The following IFITM10 variants were observed in gnomAD, a reference collection of about 807,000 sequenced individuals.
The protein encoded by IFITM10 is interferon induced transmembrane protein 10.
IFITM10 carries 17 observed loss-of-function variants against 19.0 expected under a neutral mutation model. The observed-to-expected ratio is 0.90, with a 90% CI of 0.61 to 1.34. IFITM10 has a LOEUF of 1.34. Ranked by LOEUF, IFITM10 falls within the 40% of genes most tolerant of loss-of-function variation. IFITM10 has a pLI of 0.00. For missense variants in IFITM10, 306 were observed against 319.8 expected (o/e 0.96, Z 0.33); for synonymous variants, 148 against 147.2 (o/e 1.01, Z -0.04).
At chr11:1,745,035 A>G (rs1206226980) in intron 2 of IFITM10, 1 of 152,632 alleles carries the variant, frequency 6.6e-6, no homozygotes, top group Non-Finnish European at 1.5e-5. Flanking sequence ...GGTATGCCCC[A>G]AAGCCTCTCT....
At chr11:1,745,824 TCACA>T (rs1310337641) in intron 2 of IFITM10, 5 of 145,994 alleles carry the variant, frequency 3.4e-5, no homozygotes, top group African/African-American at 1.3e-4. Flanking sequence ...GCACACACCC[TCACA>T]CACCCGTGCA....
At chr11:1,736,820 A>AG (rs573452261) in intron 2 of IFITM10, among the ~76,000 whole-genome samples, 2 of 147,514 alleles carry the variant, frequency 1.4e-5, no homozygotes, top group Non-Finnish European at 1.5e-5. Context: ...GATAGAGTGG[A>AG]TGGATGGAAT....
At position 1,748,289 on chromosome 11, in the gene IFITM10, G is replaced by A. The variant is rs562755178; in HGVS notation, c.85-170C>T. On this transcript the variant is annotated intron_variant, in intron 1 of 2. Coordinates refer to ENST00000340134, the MANE Select transcript of IFITM10 (RefSeq NM_001170820.4). ...ACCCGCCCCGGGCCTCGGCGGCCAC[G>A]GACGATGCCAAAGCCCTTCGCAGCA... is the stretch of plus-strand genomic sequence containing the variant. The A allele has an allele frequency of 2.4e-4, 115 of 471,418 alleles. 1 individual carries two copies. The highest frequency in any genetic ancestry group is 2.1e-3 in the African/African-American group (103 of 49,536). The allele number at this position is 471,418 out of a possible 1,614,324, so 29.2% of individuals were successfully genotyped here.
chr11:1,738,217 T>C (rs1455751513), intron 2 of IFITM10, among the ~76,000 whole-genome samples: 1 of 152,140 alleles, frequency 6.6e-6, no homozygotes, highest in East Asian at 1.9e-4. Context: ...GAGCTGAATT[T>C]ATGAATACAA....
chr11:1,735,280 TTAG>T lies in IFITM10; in HGVS notation c.684_686del (p.Tyr228del), dbSNP rs1851073699. 1.3e-6 allele frequency: 2 copies of T among 1,551,474 alleles called. No homozygotes were observed. The highest frequency in any genetic ancestry group is 1.4e-5 in the African/African-American group (1 of 73,046). On this transcript the variant is annotated inframe_deletion, in exon 3 of 3. Coordinates refer to ENST00000340134, the MANE Select transcript of IFITM10 (RefSeq NM_001170820.4). ...CGCCAGCAGCCGTGCCTGGCGGGCC[TTAG>T]TAGTCGGTGAGGGGGTACCGCAGGA...
intron 2 of IFITM10, among the ~76,000 whole-genome samples, chr11:1,738,320 A>C (rs369287131): frequency 3.9e-5 from 6 of 152,308 alleles, no homozygotes; most frequent in Middle Eastern, 6.8e-3. Context: ...TTTTCGTATG[A>C]TGTGTTTTTC....
intron 2 of IFITM10, among the ~76,000 whole-genome samples, chr11:1,743,026 AGGGTG>A (rs559259153): frequency 6.8e-6 from 1 of 146,120 alleles, no homozygotes; most frequent in African/African-American, 2.6e-5. Flanking sequence ...GGATGGATTG[AGGGTG>A]GATGGATGGA....
intron 2 of IFITM10, 29 bp from the exon 3 acceptor site, chr11:1,735,458 G>T (rs753522486): frequency 1.0e-5 from 16 of 1,547,168 alleles, no homozygotes; most frequent in Non-Finnish European, 1.3e-5. Context: ...CAGGAAATGG[G>T]CAGTCAGCCA....
chr11:1,748,736 G>C (rs1017295755), intron 1 of IFITM10: 1 of 152,332 alleles, frequency 6.6e-6, no homozygotes, highest in African/African-American at 2.4e-5. Context: ...CGGCACAGGT[G>C]CGGGGTCTCC....
rs71025777 is a variant in IFITM10 at position 1,739,053 on chromosome 11, C to CAAAA, written c.538-3628_538-3625dup. 1.1e-3 allele frequency among the ~76,000 whole-genome samples: 47 copies of CAAAA among 42,108 alleles called. 2 individuals carry two copies. The highest frequency in any genetic ancestry group is 3.6e-3 in the African/African-American group (29 of 8,142). The allele number at this position is 42,108 out of a possible 152,430, so 27.6% of individuals were successfully genotyped here. A position where few individuals can be genotyped will look rare whatever the true frequency, so the allele number is the denominator to read the frequency against. On this transcript the variant is annotated intron_variant, in intron 2 of 2. Coordinates refer to ENST00000340134, the MANE Select transcript of IFITM10 (RefSeq NM_001170820.4). ...TGGGTGACAGAGTGAGACTCCGTCT[C>CAAAA]AAAAAAAAAAAAAAAAAAAAAAAAA...
Position 1,750,527 on chromosome 11 carries a change from C to T in IFITM10, c.-85G>A. 1 of 1,525,366 alleles carries T rather than the reference C, an allele frequency of 6.6e-7. No homozygotes were observed. The highest frequency in any genetic ancestry group is 8.8e-7 in the Non-Finnish European group (1 of 1,130,398). The allele number at this position is 1,525,366 out of a possible 1,614,324, so 94.5% of individuals were successfully genotyped here. A position where few individuals can be genotyped will look rare whatever the true frequency, so the allele number is the denominator to read the frequency against. ...CTCCTGTGTCTCCGCAACCCTCTTT[C>T]CTGTCTGGAAGGCCAGTCCTGCTTG... is the stretch of plus-strand genomic sequence containing the variant. On this transcript the variant is annotated 5_prime_UTR_variant, in exon 1 of 3. Transcript: ENST00000340134.
Position 1,735,041 on chromosome 11 carries a change from G to C in IFITM10, c.*239C>G. ...GCAGCAGCGAGGGGAGAAGCCCCCA[G>C]GCCCCAGACACAGGCAGGGTGGAGG... On this transcript the variant is annotated 3_prime_UTR_variant, in exon 3 of 3. Transcript: ENST00000340134. The C allele has an allele frequency of 1.9e-6, 1 of 533,974 alleles. No homozygotes were observed. Among genetic ancestry groups the C allele is most frequent in the Non-Finnish European group, 3.3e-6 (1 of 302,560 alleles). 33.1% of individuals were successfully genotyped at this position (533,974 alleles called of 1,614,324 possible).
intron 2 of IFITM10, among the ~76,000 whole-genome samples, chr11:1,741,567 GTTC>G (rs1845570913): frequency 6.6e-6 from 1 of 152,152 alleles, no homozygotes; most frequent in Non-Finnish European, 1.5e-5. Context: ...TGGCCAGGCA[GTTC>G]TTCTATGACT....
Position 1,748,063 on chromosome 11 carries a change from G to T in IFITM10, c.141C>A (p.Asp47Glu). Residue 47 changes from aspartate (D) to glutamate (E), a missense_variant, in exon 2 of 3, where the codon GAC (aspartate) becomes GAA (glutamate). By Grantham distance (45) the Asp-to-Glu change is conservative. Coordinates refer to ENST00000340134, the MANE Select transcript of IFITM10 (RefSeq NM_001170820.4). ...GGGGGACTCGGGCTTCCTGGGCGCCGTCCGTGGTGCTGGCCGGGTCTCCCA... is the reference window on the plus strand; with the variant it reads ...GGGGGACTCGGGCTTCCTGGGCGCCTTCCGTGGTGCTGGCCGGGTCTCCCA... ...APLGDPASTTDGAQEARVPLD... is the reference protein window; with the variant it reads ...APLGDPASTTEGAQEARVPLD... 2 of 1,419,144 alleles carry T rather than the reference G, an allele frequency of 1.4e-6. No individual in the cohort carries two copies. The highest frequency in any genetic ancestry group is 1.8e-6 in the Non-Finnish European group (2 of 1,092,726). The allele number at this position is 1,419,144 out of a possible 1,614,324, so 87.9% of individuals were successfully genotyped here.
chr11:1,735,882 C>T (rs756008215), intron 2 of IFITM10, among the ~76,000 whole-genome samples: 17 of 152,146 alleles, frequency 1.1e-4, no homozygotes, highest in Non-Finnish European at 1.8e-4. Context: ...GGTTCTGCCT[C>T]GTTTAAAATT....
At chr11:1,746,363 A>C (rs1439434967) in intron 2 of IFITM10, 4 of 394,276 alleles carry the variant, frequency 1.0e-5, no homozygotes, top group African/African-American at 8.3e-5. Context: ...TGCACACACA[A>C]AAATATATGT....
chr11:1,747,643 C>A (rs528179784), intron 2 of IFITM10, 24 bp downstream of exon 2: 2 of 1,547,770 alleles, frequency 1.3e-6, no homozygotes, highest in South Asian at 1.2e-5. Flanking sequence ...CCCGCCCTTG[C>A]CCCCTGCCAC....
intron 1 of IFITM10, 193 bp from the exon 2 acceptor site, chr11:1,748,312 G>A (rs1287440212): frequency 4.7e-6 from 2 of 427,882 alleles, no homozygotes; most frequent in East Asian, 7.1e-5. Context: ...GCCCTTCGCA[G>A]CAGCCTTGGC....
intron 2 of IFITM10, 103 bp downstream of exon 2, chr11:1,747,564 G>A (rs1845665211): frequency 2.0e-6 from 2 of 993,744 alleles, no homozygotes; most frequent in Non-Finnish European, 3.0e-6. Flanking sequence ...CTACCCGTGT[G>A]CTCCCCTGAG....
Sources: gnomAD v4.1 joint callset for allele counts (sites outside exome capture counted in the v4.1 genomes callset) on GRCh38, gnomAD v4.1.1 for gene constraint, MANE v1.5 for transcripts, NCBI Gene and HGNC (gene_info 2026-07-23, HGNC 2026-07-21) for gene names.